CTBP2: variants seen among roughly 807,000 people sequenced by gnomAD.
The protein encoded by CTBP2 is C-terminal-binding protein 2.
CTBP2 carries 30 observed loss-of-function variants against 80.3 expected under a neutral mutation model. The observed-to-expected ratio is 0.37, with a 90% confidence interval of 0.28 to 0.51. The LOEUF is 0.51. CTBP2 is among the 20% of genes least tolerant of loss of function. CTBP2 has a pLI of 0.93. For synonymous variants in CTBP2, 594 were observed against 587.4 expected (o/e 1.01, Z -0.16); for missense variants, 1,212 against 1,375.3 (o/e 0.88, Z 1.88).
intron 1 of CTBP2, among the ~76,000 whole-genome samples, chr10:125,114,261 T>C (rs560917436): frequency 6.6e-6 from 1 of 152,316 alleles, no homozygotes; most frequent in South Asian, 2.1e-4. Context: ...ACGTGGCTGC[T>C]TCGGGCCAGA....
intron 2 of CTBP2, among the ~76,000 whole-genome samples, chr10:125,079,172 A>C (rs1305952779): frequency 7.5e-6 from 1 of 133,546 alleles, no homozygotes; most frequent in Admixed American, 7.6e-5. Flanking sequence ...AAAAAAAAAA[A>C]GGTGGAAAAA....
At chr10:125,015,401 C>T (rs1171282541) in intron 1 of CTBP2, among the ~76,000 whole-genome samples, 1 of 152,226 alleles carries the variant, frequency 6.6e-6, no homozygotes. Context: ...AGTGACAACC[C>T]CACAGGCCAC....
intron 1 of CTBP2, among the ~76,000 whole-genome samples, chr10:125,154,907 T>C (rs150013012): frequency 6.6e-5 from 10 of 152,344 alleles, no homozygotes; most frequent in East Asian, 5.8e-4. Context: ...TTTAGCTGCA[T>C]TCTCCCTAAT....
chr10:125,029,334 T>C (rs1275412814), upstream of CTBP2, among the ~76,000 whole-genome samples: 1 of 149,836 alleles, frequency 6.7e-6, no homozygotes, highest in East Asian at 2.0e-4. Context: ...CTCCGCCTCC[T>C]GGGTTCAAGC....
At chr10:125,098,657 GGAGAGAGAGAGAGAGAGA>G (rs565818097) in intron 2 of CTBP2, among the ~76,000 whole-genome samples, 135 of 44,980 alleles carry the variant, frequency 3.0e-3, no homozygotes, top group African/African-American at 0.01. Flanking sequence ...TGGGGGAGGG[GGAGAGAGAGAGAGAGAGA>G]GAGAGAGAGA....
chr10:125,055,578 T>C (rs1319406102), intron 2 of CTBP2, among the ~76,000 whole-genome samples: 1 of 152,158 alleles, frequency 6.6e-6, no homozygotes, highest in African/African-American at 2.4e-5. Context: ...CTGCAGAGGC[T>C]TGTGGAGTCA....
chr10:125,087,898 G>A (rs1026160543), intron 2 of CTBP2, among the ~76,000 whole-genome samples: 3 of 152,162 alleles, frequency 2.0e-5, no homozygotes, highest in Non-Finnish European at 2.9e-5. Flanking sequence ...CTCTGGAACC[G>A]GTTGCCTCCC....
At chr10:125,052,674 G>A (rs1387362513) in intron 2 of CTBP2, among the ~76,000 whole-genome samples, 2 of 152,202 alleles carry the variant, frequency 1.3e-5, no homozygotes, top group African/African-American at 2.4e-5. Flanking sequence ...GATGGTGATT[G>A]TGCCTTTGAA....
chr10:125,145,044 G>A (rs1167997854), intron 1 of CTBP2, among the ~76,000 whole-genome samples: 2 of 152,222 alleles, frequency 1.3e-5, no homozygotes, highest in African/African-American at 4.8e-5. Context: ...AAAGAATGAG[G>A]ATGAGTACAG....
chr10:125,066,048 C>G lies in CTBP2; in HGVS notation c.-101-26893G>C, dbSNP rs985484270. ...CCCAGAAGGCAGAGGTTACAGTGAG[C>G]CCTGATTGTGCCATGGCACTCTAGC... On this transcript the variant is annotated intron_variant, in intron 2 of 10. Transcript: ENST00000337195. This position sits in a 1 kb window ranked among gnomAD's most constrained non-coding sequence, Gnocchi z 4.1. 6.6e-6 allele frequency among the ~76,000 whole-genome samples: 1 copy of G among 151,266 alleles called. No homozygotes were observed. Among genetic ancestry groups the G allele is most frequent in the Non-Finnish European group, 1.5e-5 (1 of 67,948 alleles).
intron 1 of CTBP2, among the ~76,000 whole-genome samples, chr10:125,011,538 A>G (rs1202173868): frequency 6.6e-6 from 1 of 152,200 alleles, no homozygotes; most frequent in Non-Finnish European, 1.5e-5. Context: ...CATGTGTGGT[A>G]TCTTCCAGGG....
chr10:125,046,276 C>CA (rs1276773713), intron 2 of CTBP2, among the ~76,000 whole-genome samples: 1 of 152,030 alleles, frequency 6.6e-6, no homozygotes, highest in Non-Finnish European at 1.5e-5. Context: ...GTGGCTCATA[C>CA]CTGTAATCCT....
chr10:125,158,286 C>A (rs1191771570), intron 1 of CTBP2, among the ~76,000 whole-genome samples: 2 of 152,114 alleles, frequency 1.3e-5, no homozygotes, highest in Admixed American at 6.5e-5. Context: ...AATTTTTAAA[C>A]TGTCTTCGAA....
intron 1 of CTBP2, chr10:125,158,510 C>G (rs891555943): frequency 1.3e-5 from 2 of 152,168 alleles, no homozygotes; most frequent in Non-Finnish European, 2.9e-5. Flanking sequence ...ATTCCCAATG[C>G]ATATTTATAG....
At chr10:125,049,432 G>T (rs1427079377) in intron 2 of CTBP2, among the ~76,000 whole-genome samples, 1 of 152,200 alleles carries the variant, frequency 6.6e-6, no homozygotes, top group Non-Finnish European at 1.5e-5. Context: ...GCCCCCACCT[G>T]AGCTCCGGTG....
At chr10:125,021,268 C>A (rs1394264451) in intron 1 of CTBP2, among the ~76,000 whole-genome samples, 2 of 152,152 alleles carry the variant, frequency 1.3e-5, no homozygotes, top group Admixed American at 6.5e-5. Context: ...CACTGCTCTC[C>A]CAGAAGCAGA....
chr10:125,137,023 C>T (rs577133913), intron 1 of CTBP2, among the ~76,000 whole-genome samples: 5 of 152,288 alleles, frequency 3.3e-5, no homozygotes, highest in African/African-American at 9.6e-5. Context: ...ACATCACCGC[C>T]GAAAACGAGA....
upstream of CTBP2, chr10:125,161,159 A>G (rs924905683): frequency 4.0e-5 from 6 of 149,842 alleles, no homozygotes; most frequent in Non-Finnish European, 5.9e-5. Context: ...ACTCCTCACT[A>G]CAAATCGGCT....
intron 2 of CTBP2, among the ~76,000 whole-genome samples, chr10:125,068,268 T>A (rs1234689586): frequency 3.9e-5 from 6 of 152,292 alleles, no homozygotes; most frequent in Non-Finnish European, 7.3e-5. Flanking sequence ...AGGCACAGGG[T>A]GAACACCATA....
Sources: allele counts gnomAD v4.1 joint callset (sites outside exome capture counted in the v4.1 genomes callset), GRCh38; gene constraint gnomAD v4.1.1; non-coding constraint Gnocchi (gnomAD v3.1); transcripts MANE v1.5; gene names NCBI Gene and HGNC (gene_info 2026-07-23, HGNC 2026-07-21).